MALT1: variants seen among roughly 807,000 people sequenced by gnomAD.
MALT1 encodes MALT1 paracaspase.
A neutral mutation model predicts 85.5 loss-of-function variants in MALT1; 36 were observed. The observed-to-expected ratio is 0.42, with a 90% CI of 0.32 to 0.56. MALT1 has a LOEUF of 0.56. Among genes scored for constraint, MALT1 ranks in the 20% least tolerant of loss-of-function variants. MALT1 has a pLI of 0.10. For synonymous variants in MALT1, 359 were observed against 361.3 expected (o/e 0.99, Z 0.07); for missense variants, 716 against 981.6 (o/e 0.73, Z 3.62).
intron 11 of MALT1, 192 bp downstream of exon 11, chr18:58,733,766 G>A: frequency 4.1e-6 from 3 of 739,432 alleles, no homozygotes; most frequent in Non-Finnish European, 4.1e-6. Context: ...CTTCATATTT[G>A]CTATAGAACA....
Position 58,700,472 on chromosome 18 carries a change from T to G in MALT1, c.530T>G (p.Phe177Cys). 3 of 1,606,048 alleles carry G rather than the reference T, an allele frequency of 1.9e-6. No individual in the cohort carries two copies. The highest frequency in any genetic ancestry group is 2.5e-6 in the Non-Finnish European group (3 of 1,178,000). ...IPNGNTSELI[F>C]NAVHVKDAGF... ...AATGGAAATACATCAGAGCTTATTT[T>G]TAATGCAGTGCATGTAAAAGATGCA... The change falls in exon 4 of 17, where the codon TTT becomes TGT. Residue 177 changes from phenylalanine to cysteine, a missense_variant. Around this residue, in one of 4 missense-constraint regions of MALT1, gnomAD observed 290 missense variants for 380.5 expected, o/e 0.76. Coordinates refer to ENST00000649217, the MANE Select transcript of MALT1 (RefSeq NM_006785.4).
Position 58,735,348 on chromosome 18 carries a change from A to G in MALT1, c.1603+19A>G. The G allele has an allele frequency of 6.3e-7, 1 of 1,585,260 alleles. No homozygotes were observed. The highest frequency in any genetic ancestry group is 1.9e-5 in the Admixed American group (1 of 53,360). On this transcript the variant is annotated intron_variant, in intron 13 of 16. Coordinates refer to ENST00000649217, the MANE Select transcript of MALT1 (RefSeq NM_006785.4). ...GCAGAAGGTAAAATAAAAAATAAAG[A>G]GAAAAGTACTCAGAAAAAGGAGAGC...
intron 2 of MALT1, among the ~76,000 whole-genome samples, chr18:58,684,108 T>G (rs1383264879): frequency 6.6e-6 from 1 of 152,240 alleles, no homozygotes; most frequent in East Asian, 1.9e-4. Context: ...AATTTTTGTA[T>G]TTTTGGTAGA....
intron 5 of MALT1, 31 bp downstream of exon 5, chr18:58,709,587 G>T: frequency 6.5e-7 from 1 of 1,537,260 alleles, no homozygotes. Context: ...TCTTTTGGGG[G>T]AGTTAACATG....
At chr18:58,734,187 C>A in intron 11 of MALT1, 120 bp from the exon 12 acceptor site, 2 of 1,062,310 alleles carry the variant, frequency 1.9e-6, no homozygotes, top group Non-Finnish European at 2.6e-6. Flanking sequence ...AATTTTGAAT[C>A]TATAATTTTA....
intron 9 of MALT1, among the ~76,000 whole-genome samples, chr18:58,719,897 A>T (rs2054960502): frequency 6.7e-6 from 1 of 150,336 alleles, no homozygotes; most frequent in Non-Finnish European, 1.5e-5. Flanking sequence ...TTAAATAAAT[A>T]CTTAATAGCA....
At chr18:58,721,046 G>T (rs986896087) in intron 9 of MALT1, among the ~76,000 whole-genome samples, 1 of 152,144 alleles carries the variant, frequency 6.6e-6, no homozygotes, top group African/African-American at 2.4e-5. Context: ...TCTTGCTGTA[G>T]CAGGTACTTT....
At position 58,714,117 on chromosome 18, in the gene MALT1, A is replaced by G; in HGVS notation, c.985+8A>G. ...ATAATCTTGGTCATCCTGGTGAGTA[A>G]TACAAACATAAAACTTTAGTTTTAG... On this transcript the variant is annotated splice_region_variant and intron_variant, in intron 8 of 16. Coordinates refer to ENST00000649217, the MANE Select transcript of MALT1 (RefSeq NM_006785.4). 8.0e-7 allele frequency: 1 copy of G among 1,253,220 alleles called. No individual in the cohort carries two copies. Among genetic ancestry groups the G allele is most frequent in the Non-Finnish European group, 1.1e-6 (1 of 875,850 alleles). The allele number at this position is 1,253,220 out of a possible 1,614,324, so 77.6% of individuals were successfully genotyped here.
chr18:58,720,761 C>T (rs912529707), intron 9 of MALT1, among the ~76,000 whole-genome samples: 1 of 152,008 alleles, frequency 6.6e-6, no homozygotes, highest in African/African-American at 2.4e-5. Context: ...TGTTTTCTAC[C>T]AATAAAAATC....
At chr18:58,715,670 G>A in intron 8 of MALT1, among the ~76,000 whole-genome samples, 1 of 152,116 alleles carries the variant, frequency 6.6e-6, no homozygotes, top group African/African-American at 2.4e-5. Flanking sequence ...ACCTCATAGG[G>A]TAGAGTGAGG....
intron 1 of MALT1, chr18:58,677,633 G>A (rs2054260591): frequency 6.6e-6 from 1 of 152,028 alleles, no homozygotes; most frequent in Non-Finnish European, 1.5e-5. Context: ...TTAAAAGAAA[G>A]AACACTTTAA....
intron 10 of MALT1, among the ~76,000 whole-genome samples, chr18:58,727,615 T>TG (rs1291885338): frequency 3.5e-4 from 47 of 136,052 alleles, no homozygotes; most frequent in African/African-American, 1.1e-3. Flanking sequence ...AGGTTTTTTG[T>TG]GTTTTTTTTT....
At chr18:58,730,269 T>C (rs891269517) in intron 10 of MALT1, among the ~76,000 whole-genome samples, 2 of 152,134 alleles carry the variant, frequency 1.3e-5, no homozygotes, top group Admixed American at 6.5e-5. Flanking sequence ...AACATTTCCA[T>C]CACCCCAAAA....
At chr18:58,741,789 G>T in intron 13 of MALT1, 76 bp from the exon 14 acceptor site, 1 of 851,232 alleles carries the variant, frequency 1.2e-6, no homozygotes, top group Admixed American at 2.5e-5. Flanking sequence ...GATAATGTAG[G>T]ATAGTTCTTA....
rs2055393448 is a variant in MALT1, at chr18:58,747,931, T to TTTGTATATGTAGAGAAAG, written c.*90_*107dup. 1.0e-6 allele frequency: 1 copy of TTTGTATATGTAGAGAAAG among 970,194 alleles called. No individual in the cohort carries two copies. Among genetic ancestry groups the TTTGTATATGTAGAGAAAG allele is most frequent in the African/African-American group, 1.6e-5 (1 of 61,770 alleles). 60.1% of individuals were successfully genotyped at this position (970,194 alleles called of 1,614,324 possible). A position where few individuals can be genotyped will look rare whatever the true frequency, so the allele number is the denominator to read the frequency against. On this transcript the variant is annotated 3_prime_UTR_variant, in exon 17 of 17. Coordinates refer to ENST00000649217, the MANE Select transcript of MALT1 (RefSeq NM_006785.4). ...AAGTGAGACATTGTGAAAAGGCAAA[T>TTTGTATATGTAGAGAAAG]TTGTATATGTAGAGAAAGAATAGTA... is the stretch of plus-strand genomic sequence containing the variant.
chr18:58,712,336 T>G (rs2054842092), intron 7 of MALT1, among the ~76,000 whole-genome samples: 1 of 152,174 alleles, frequency 6.6e-6, no homozygotes, highest in Non-Finnish European at 1.5e-5. Context: ...TCATTTTGTG[T>G]ATTTTATTCA....
intron 2 of MALT1, among the ~76,000 whole-genome samples, chr18:58,687,385 A>G (rs969560861): frequency 3.3e-5 from 5 of 152,244 alleles, no homozygotes; most frequent in Non-Finnish European, 5.9e-5. Context: ...GCTATAATCT[A>G]TACAGATTTC....
chr18:58,715,503 A>G (rs946154888), intron 8 of MALT1, among the ~76,000 whole-genome samples: 1 of 152,174 alleles, frequency 6.6e-6, no homozygotes, highest in Non-Finnish European at 1.5e-5. Context: ...ATTTTATTTT[A>G]TGTATACTAG....
intron 8 of MALT1, among the ~76,000 whole-genome samples, chr18:58,714,865 G>C (rs2144401136): frequency 6.6e-6 from 1 of 152,242 alleles, no homozygotes; most frequent in East Asian, 1.9e-4. Context: ...TTTAATATTT[G>C]TAGAAAACCC....
Sources: allele counts gnomAD v4.1 joint callset (sites outside exome capture counted in the v4.1 genomes callset), GRCh38; gene constraint gnomAD v4.1.1; regional missense constraint gnomAD v4.1.1; transcripts MANE v1.5; gene names NCBI Gene and HGNC (gene_info 2026-07-23, HGNC 2026-07-21).